Variants in MGAT4C observed in about 807,000 individuals in gnomAD.
The protein encoded by MGAT4C is alpha-1,3-mannosyl-glycoprotein 4-beta-N-acetylglucosaminyltransferase C.
MGAT4C carries 19 observed loss-of-function variants against 40.1 expected under a neutral mutation model. The observed-to-expected ratio is 0.47, with a 90% confidence interval of 0.33 to 0.70. The LOEUF (loss-of-function observed/expected upper bound fraction) is 0.70. Ranked by LOEUF, MGAT4C falls within the 30% of genes least tolerant of loss-of-function variation. The pLI, the probability that MGAT4C is intolerant of heterozygous loss-of-function variation, is 0.02. For missense variants in MGAT4C, 491 were observed against 563.2 expected, an observed-to-expected ratio of 0.87 and a Z score of 1.30; for synonymous variants, 181 against 187.1, an observed-to-expected ratio of 0.97 and a Z score of 0.27.
intron 2 of MGAT4C, among the ~76,000 whole-genome samples, chr12:86,603,204 T>C (rs1464072292): frequency 6.9e-6 from 1 of 144,988 alleles, no homozygotes; most frequent in Non-Finnish European, 1.5e-5. Flanking sequence ...CTATATAGAA[T>C]AATACTATAT....
chr12:86,418,310 G>C (rs1956757620), intron 3 of MGAT4C, among the ~76,000 whole-genome samples: 1 of 152,002 alleles, frequency 6.6e-6, no homozygotes, highest in East Asian at 1.9e-4. Context: ...TAACACATAA[G>C]AGGTAATAGG....
intron 2 of MGAT4C, among the ~76,000 whole-genome samples, chr12:86,636,674 A>G (rs1355109468): frequency 6.6e-6 from 1 of 152,002 alleles, no homozygotes; most frequent in Non-Finnish European, 1.5e-5. Context: ...ACAGAGAGAA[A>G]TTTTCATGTT....
chr12:86,591,265 A>G (rs1467311785), intron 2 of MGAT4C, among the ~76,000 whole-genome samples: 2 of 152,028 alleles, frequency 1.3e-5, no homozygotes, highest in Non-Finnish European at 2.9e-5. Context: ...CTTGATCAGC[A>G]TACATCCAGT....
At position 86,419,667 on chromosome 12, in the gene MGAT4C, C is replaced by G. The variant is rs897601636; in HGVS notation, c.-120+15490G>C. ...CAATGGATAGTAATATTTTGGTACTCAAGTGGAGATGAATGGACAAGGCCA... is the reference window on the plus strand; with the variant it reads ...CAATGGATAGTAATATTTTGGTACTGAAGTGGAGATGAATGGACAAGGCCA... On this transcript the variant is annotated intron_variant, in intron 3 of 7. Coordinates refer to the MGAT4C transcript ENST00000548651. Among the ~76,000 whole-genome samples the G allele has an allele frequency of 9.1e-4, 138 of 152,060 alleles. 2 individuals are homozygous for G. Among genetic ancestry groups the G allele is most frequent in the Admixed American group, 1.2e-3 (19 of 15,248 alleles).
chr12:86,361,145 C>T (rs1176139564), intron 3 of MGAT4C, among the ~76,000 whole-genome samples: 1 of 152,094 alleles, frequency 6.6e-6, no homozygotes, highest in African/African-American at 2.4e-5. Context: ...GAGATATAGA[C>T]CAATGGAACA....
intron 1 of MGAT4C, among the ~76,000 whole-genome samples, chr12:86,082,978 T>C (rs553127022): frequency 9.2e-5 from 14 of 152,036 alleles, no homozygotes; most frequent in African/African-American, 1.4e-4. Flanking sequence ...CAACCTACAA[T>C]TGTTTGTTTC....
At chr12:86,023,142 A>C (rs1017403444) in intron 2 of MGAT4C, among the ~76,000 whole-genome samples, 1 of 152,262 alleles carries the variant, frequency 6.6e-6, no homozygotes, top group Non-Finnish European at 1.5e-5. Context: ...TTCTGTAATA[A>C]TTTTATTAAA....
chr12:86,686,678 ATGAAG>A (rs1468116317), intron 2 of MGAT4C, among the ~76,000 whole-genome samples: 2 of 152,154 alleles, frequency 1.3e-5, no homozygotes, highest in Admixed American at 1.3e-4. Context: ...CATCCCAGGG[ATGAAG>A]TCAACTTGAT....
At chr12:86,473,628 A>C (rs1466520962) in intron 2 of MGAT4C, among the ~76,000 whole-genome samples, 1 of 152,222 alleles carries the variant, frequency 6.6e-6, no homozygotes, top group African/African-American at 2.4e-5. Context: ...CAGTCTTAGG[A>C]GGATGAATTC....
intron 1 of MGAT4C, among the ~76,000 whole-genome samples, chr12:86,800,564 G>A (rs1952206787): frequency 6.6e-6 from 1 of 151,884 alleles, no homozygotes. Flanking sequence ...CAGATGAATT[G>A]TTGGAGTTAG....
intron 3 of MGAT4C, among the ~76,000 whole-genome samples, chr12:86,378,064 T>G (rs892047507): frequency 1.3e-5 from 2 of 152,334 alleles, no homozygotes; most frequent in South Asian, 2.1e-4. Context: ...AGTTGAATGA[T>G]ATTCCACTGT....
At chr12:86,179,628 G>A (rs548371923) in intron 1 of MGAT4C, among the ~76,000 whole-genome samples, 1 of 152,274 alleles carries the variant, frequency 6.6e-6, no homozygotes, top group South Asian at 2.1e-4. Context: ...CTCTTGTTAA[G>A]TGACTCTTGT....
At chr12:86,614,674 G>A (rs59486148) in intron 2 of MGAT4C, among the ~76,000 whole-genome samples, 19,666 of 151,596 alleles carry the variant, frequency 0.13, 1,975 homozygotes, top group African/African-American at 0.28. Flanking sequence ...TTTAAATTAT[G>A]AAGTTAATTA....
At chr12:86,685,471 T>C (rs1173942507) in intron 2 of MGAT4C, among the ~76,000 whole-genome samples, 3 of 151,958 alleles carry the variant, frequency 2.0e-5, no homozygotes, top group Admixed American at 1.3e-4. Context: ...AGACAGTGCC[T>C]CCAAATTTGT....
chr12:86,397,539 T>C (rs12581639), intron 3 of MGAT4C, among the ~76,000 whole-genome samples: 9,727 of 152,208 alleles, frequency 0.064, 745 homozygotes, highest in East Asian at 0.23. Flanking sequence ...CAGATCCCTA[T>C]ATCTAGTGTA....
intron 1 of MGAT4C, among the ~76,000 whole-genome samples, chr12:86,088,293 C>T (rs1056886979): frequency 6.6e-6 from 1 of 151,906 alleles, no homozygotes; most frequent in African/African-American, 2.4e-5. Flanking sequence ...TAGGAAATAC[C>T]ATTCTGGACA....
chr12:86,838,788 GA>G (rs1953092031), exon 1 of MGAT4C: 1 of 152,210 alleles, frequency 6.6e-6, no homozygotes, highest in South Asian at 2.1e-4. Context: ...TTCTCCAGAA[GA>G]AAATCAGCAC....
chr12:86,571,884 C>G (rs946016894), intron 2 of MGAT4C, among the ~76,000 whole-genome samples: 1 of 152,076 alleles, frequency 6.6e-6, no homozygotes, highest in Non-Finnish European at 1.5e-5. Context: ...TTTAAGAAGG[C>G]AGTTCACATT....
At chr12:86,738,745 A>C (rs1014781331) in intron 1 of MGAT4C, among the ~76,000 whole-genome samples, 6 of 151,274 alleles carry the variant, frequency 4.0e-5, no homozygotes, top group African/African-American at 1.5e-4. Context: ...TATGCATTTC[A>C]ATTGTAAAAA....
Sources: allele counts gnomAD v4.1 joint callset (sites outside exome capture counted in the v4.1 genomes callset), GRCh38; gene constraint gnomAD v4.1.1; transcripts MANE v1.5; gene names NCBI Gene and HGNC (gene_info 2026-07-23, HGNC 2026-07-21).